ARSB: variants seen among roughly 807,000 people sequenced by gnomAD.
ARSB encodes the protein N-acetylgalactosamine-4-sulfatase.
In ARSB, 41 loss-of-function variants were observed where a neutral mutation model predicts 50.9. The observed-to-expected ratio is 0.81, with a 90% confidence interval of 0.63 to 1.04. The LOEUF is 1.04. ARSB is among the 50% of genes least tolerant of loss of function. The pLI, the probability that ARSB is intolerant of heterozygous loss-of-function variation, is 0.00. For missense variants in ARSB, 672 were observed against 693.3 expected, an observed-to-expected ratio of 0.97 and a Z score of 0.35; for synonymous variants, 269 against 284.8, an observed-to-expected ratio of 0.94 and a Z score of 0.56.
intron 5 of ARSB, among the ~76,000 whole-genome samples, chr5:78,853,074 G>A (rs375238945): frequency 1.1e-4 from 16 of 152,148 alleles, no homozygotes; most frequent in Admixed American, 2.0e-4. Flanking sequence ...GTAATTCTCC[G>A]TCCAGCTTTG....
At chr5:78,833,021 A>G (rs899691007) in intron 6 of ARSB, among the ~76,000 whole-genome samples, 1 of 152,196 alleles carries the variant, frequency 6.6e-6, no homozygotes, top group Non-Finnish European at 1.5e-5. Flanking sequence ...AGAACAGCCA[A>G]GATCAAGCCC....
intron 2 of ARSB, among the ~76,000 whole-genome samples, chr5:78,965,899 T>C (rs1321792896): frequency 6.6e-6 from 1 of 152,224 alleles, no homozygotes; most frequent in Non-Finnish European, 1.5e-5. Flanking sequence ...AACTTTTATA[T>C]GGCAATCTTT....
At position 78,985,299 on chromosome 5, in the gene ARSB, C is replaced by G; in HGVS notation, c.-51G>C. ...CTGTGGCGCCACCAGCCCCTTGTAC[C>G]GCTGATAGAATGAGGAACTGGGCTG... On this transcript the variant is annotated 5_prime_UTR_variant, in exon 1 of 8. Coordinates refer to ENST00000264914, the MANE Select transcript of ARSB (RefSeq NM_000046.5). The G allele has an allele frequency of 3.2e-6, 4 of 1,250,664 alleles. No individual in the cohort carries two copies. Among genetic ancestry groups the G allele is most frequent in the Non-Finnish European group, 4.0e-6 (4 of 998,860 alleles). 77.5% of individuals were successfully genotyped at this position (1,250,664 alleles called of 1,614,324 possible).
intron 4 of ARSB, among the ~76,000 whole-genome samples, chr5:78,916,661 T>A (rs1749558728): frequency 6.6e-6 from 1 of 152,222 alleles, no homozygotes; most frequent in Non-Finnish European, 1.5e-5. Context: ...CATTTTCCTA[T>A]TAAGTTGTAT....
intron 4 of ARSB, among the ~76,000 whole-genome samples, chr5:78,933,315 TA>T (rs1208896020): frequency 6.6e-6 from 1 of 152,200 alleles, no homozygotes; most frequent in East Asian, 1.9e-4. Context: ...ACAAAATCCC[TA>T]AGTAGAAGAA....
chr5:78,848,538 T>A (rs1745575681), intron 5 of ARSB, among the ~76,000 whole-genome samples: 1 of 151,544 alleles, frequency 6.6e-6, no homozygotes, highest in South Asian at 2.1e-4. Context: ...TGTGCATGTG[T>A]CTTTATAGCA....
intron 4 of ARSB, among the ~76,000 whole-genome samples, chr5:78,930,476 C>T (rs985251553): frequency 1.3e-5 from 2 of 152,128 alleles, no homozygotes; most frequent in African/African-American, 2.4e-5. Flanking sequence ...TTTGAATAGT[C>T]ACGGTAGGAG....
intron 5 of ARSB, among the ~76,000 whole-genome samples, chr5:78,851,448 A>T (rs899434785): frequency 7.9e-5 from 12 of 152,004 alleles, no homozygotes; most frequent in African/African-American, 9.7e-5. Flanking sequence ...TTTCTGTTCT[A>T]TTACATTTGC....
intron 4 of ARSB, among the ~76,000 whole-genome samples, chr5:78,904,444 T>C (rs1263947218): frequency 6.6e-6 from 1 of 152,114 alleles, no homozygotes; most frequent in Non-Finnish European, 1.5e-5. Context: ...TCTTTGAGTT[T>C]ATCCTGTTTG....
chr5:78,852,599 G>A (rs1462898066), intron 5 of ARSB, among the ~76,000 whole-genome samples: 1 of 152,040 alleles, frequency 6.6e-6, no homozygotes, highest in African/African-American at 2.4e-5. Context: ...TCTGAATGTT[G>A]GCCTGCCTTG....
rs1581067900 is a variant in ARSB at position 78,868,604 on chromosome 5, G to T, written c.1142+16980C>A. 2.0e-5 allele frequency among the ~76,000 whole-genome samples: 3 copies of T among 147,568 alleles called. No individual in the cohort carries two copies. The Admixed American group carries it at 2.1e-4, about 10-fold the overall frequency. On this transcript the variant is annotated intron_variant, in intron 5 of 7. Coordinates refer to ENST00000264914, the MANE Select transcript of ARSB (RefSeq NM_000046.5). ...GAGAAATAAAATACTTTACAGACAAGCAAATGCTGACCGATTTTGTCACCA... is the reference window on the plus strand; with the variant it reads ...GAGAAATAAAATACTTTACAGACAATCAAATGCTGACCGATTTTGTCACCA...
intron 6 of ARSB, among the ~76,000 whole-genome samples, chr5:78,825,161 G>A (rs1401017359): frequency 6.6e-6 from 1 of 152,140 alleles, no homozygotes; most frequent in Non-Finnish European, 1.5e-5. Context: ...AGCAGATACT[G>A]CACAATGGAA....
At chr5:78,941,693 A>C (rs1196881929) in intron 4 of ARSB, among the ~76,000 whole-genome samples, 2 of 152,118 alleles carry the variant, frequency 1.3e-5, no homozygotes, top group Non-Finnish European at 2.9e-5. Flanking sequence ...CCAGTATTTT[A>C]TTGAGGATTT....
intron 6 of ARSB, among the ~76,000 whole-genome samples, chr5:78,815,356 C>T (rs1743950768): frequency 6.6e-6 from 1 of 150,676 alleles, no homozygotes; most frequent in Non-Finnish European, 1.5e-5. Context: ...TTCTATGAGA[C>T]TGACTGCTTT....
intron 5 of ARSB, among the ~76,000 whole-genome samples, chr5:78,872,996 A>G (rs1267492665): frequency 6.6e-6 from 1 of 152,098 alleles, no homozygotes; most frequent in Non-Finnish European, 1.5e-5. Flanking sequence ...ACAAAACCAA[A>G]AAGAACTCAG....
chr5:78,960,814 C>G (rs918172454), intron 3 of ARSB, among the ~76,000 whole-genome samples: 1 of 152,174 alleles, frequency 6.6e-6, no homozygotes, highest in South Asian at 2.1e-4. Context: ...CCACCCGCCT[C>G]GGCCTCCCAA....
intron 4 of ARSB, among the ~76,000 whole-genome samples, chr5:78,935,238 T>C (rs1177437326): frequency 1.3e-5 from 2 of 152,146 alleles, no homozygotes; most frequent in African/African-American, 2.4e-5. Flanking sequence ...TCAAAACATA[T>C]TGTATTCTCA....
intron 4 of ARSB, among the ~76,000 whole-genome samples, chr5:78,941,714 G>A (rs1750936554): frequency 6.6e-6 from 1 of 152,204 alleles, no homozygotes; most frequent in African/African-American, 2.4e-5. Context: ...TTGCATCAAT[G>A]TTCATCAAGG....
intron 5 of ARSB, among the ~76,000 whole-genome samples, chr5:78,859,534 A>G (rs1746322904): frequency 6.6e-6 from 1 of 152,194 alleles, no homozygotes; most frequent in South Asian, 2.1e-4. Flanking sequence ...AGCGTTGGAA[A>G]CTAAAGAGAA....
Sources: allele counts gnomAD v4.1 joint callset (sites outside exome capture counted in the v4.1 genomes callset), GRCh38; gene constraint gnomAD v4.1.1; transcripts MANE v1.5; gene names NCBI Gene and HGNC (gene_info 2026-07-23, HGNC 2026-07-21).